Variants in SRL observed in about 807,000 individuals in gnomAD.
SRL encodes the protein sarcalumenin.
Under a neutral mutation model 39.5 loss-of-function variants are expected in SRL, and 23 were observed. The ratio of observed to expected loss-of-function variants is 0.58; its 90% CI spans 0.42 to 0.82. The LOEUF (loss-of-function observed/expected upper bound fraction) is 0.82. Ranked by LOEUF, SRL falls within the 40% of genes least tolerant of loss-of-function variation. The pLI is 0.00. For synonymous variants in SRL, 272 were observed against 237.4 expected (o/e 1.15, Z -1.34); for missense variants, 592 against 607.8 (o/e 0.97, Z 0.27).
rs1318953374 is a variant in SRL at position 4,189,988 on chromosome 16, G to C, written c.*2165C>G. ...GGGGTTTGCGGAGGGTGGTTAATGA[G>C]AAGAAAAGTCCAGGACAGATTCCAT... On this transcript the variant is annotated 3_prime_UTR_variant, in exon 6 of 6. Transcript: ENST00000399609. The C allele has an allele frequency of 6.3e-6, 2 of 316,446 alleles. No homozygotes were observed. Among genetic ancestry groups the C allele is most frequent in the East Asian group, 9.8e-5 (2 of 20,362 alleles). The allele number at this position is 316,446 out of a possible 1,614,324, so 19.6% of individuals were successfully genotyped here. A position where few individuals can be genotyped will look rare whatever the true frequency, so the allele number is the denominator to read the frequency against.
At chr16:4,207,460 G>A (rs1266163768) in intron 1 of SRL, 1 of 456,706 alleles carries the variant, frequency 2.2e-6, no homozygotes. Flanking sequence ...GGCACTGCAG[G>A]CTCCTCGCCA....
Position 4,192,951 on chromosome 16 carries a change from G to A in SRL, c.624C>T (p.Asn208=), listed in dbSNP as rs1475034159. 5.6e-6 allele frequency: 9 copies of A among 1,610,120 alleles called. No homozygotes were observed. The highest frequency in any genetic ancestry group is 1.3e-5 in the African/African-American group (1 of 75,012). The part of the protein sequence containing the change: ...RKQQERGYPF[N]DVCQWFIDRA... ...TGTCGATGAACCACTGGCACACGTC[G>A]TTGAAGGGGTAGCCTTTGGGAGACA... Residue 208 remains asparagine (N), a synonymous_variant, in exon 6 of 6, where the codon AAC becomes AAT. Coordinates refer to ENST00000399609, the MANE Select transcript of SRL (RefSeq NM_001098814.2). The surrounding 1 kb of genome is among the most constrained non-coding windows in gnomAD (Gnocchi z 4.0).
chr16:4,231,224 G>T (rs747853172), intron 1 of SRL, among the ~76,000 whole-genome samples: 1 of 152,158 alleles, frequency 6.6e-6, no homozygotes, highest in Non-Finnish European at 1.5e-5. Context: ...GCTGTGGTGG[G>T]AGGATCACTT....
At chr16:4,222,804 C>T (rs942404769) in intron 1 of SRL, among the ~76,000 whole-genome samples, 6 of 152,278 alleles carry the variant, frequency 3.9e-5, no homozygotes, top group Middle Eastern at 6.8e-3. Flanking sequence ...ATTAAAAGTA[C>T]AATTCCTGGC....
chr16:4,228,658 C>G lies in SRL; in HGVS notation c.61+13349G>C, dbSNP rs571777826. 3.9e-5 allele frequency among the ~76,000 whole-genome samples: 6 copies of G among 152,026 alleles called. No homozygotes were observed. In the South Asian group the frequency reaches 1.2e-3, roughly 32 times the overall value. ...GTTGAGGCAGGAGAATGGAGTGAAC[C>G]CAGGAGGCGGAGCTTGCAGTGAGCC... On this transcript the variant is annotated intron_variant, in intron 1 of 5. Coordinates refer to ENST00000399609, the MANE Select transcript of SRL (RefSeq NM_001098814.2).
intron 1 of SRL, chr16:4,208,117 A>G (rs2052347959): frequency 2.3e-6 from 1 of 434,724 alleles, no homozygotes; most frequent in Non-Finnish European, 4.6e-6. Flanking sequence ...AAATGATTAG[A>G]ACATGATTGG....
At chr16:4,206,395 G>A (rs1167018125) in intron 1 of SRL, among the ~76,000 whole-genome samples, 1 of 151,940 alleles carries the variant, frequency 6.6e-6, no homozygotes, top group East Asian at 1.9e-4. Flanking sequence ...CCCTCCACCC[G>A]CTGGCCCCGG....
intron 1 of SRL, among the ~76,000 whole-genome samples, chr16:4,233,911 G>A (rs908988988): frequency 1.3e-5 from 2 of 151,958 alleles, no homozygotes; most frequent in South Asian, 2.1e-4. Context: ...TCCCTTTAGG[G>A]AGCATCTCTC....
At chr16:4,219,624 A>G (rs2052498599) in intron 1 of SRL, among the ~76,000 whole-genome samples, 1 of 151,870 alleles carries the variant, frequency 6.6e-6, no homozygotes, top group African/African-American at 2.4e-5. Flanking sequence ...TGCCTAGGTA[A>G]TATTTTTTAT....
At chr16:4,232,713 T>C (rs796427563) in intron 1 of SRL, among the ~76,000 whole-genome samples, 2 of 152,196 alleles carry the variant, frequency 1.3e-5, no homozygotes, top group East Asian at 1.9e-4. Context: ...GGTTTCTCCA[T>C]GTTGCCCAAG....
intron 3 of SRL, 106 bp downstream of exon 3, chr16:4,203,060 C>A (rs1386665880): frequency 2.1e-6 from 2 of 975,060 alleles, no homozygotes; most frequent in South Asian, 2.8e-5. Flanking sequence ...AGCTCCTGAA[C>A]CTGTGTGGGT....
chr16:4,211,017 G>A lies in SRL; in HGVS notation c.62-6383C>T, dbSNP rs540530279. 9.2e-5 allele frequency among the ~76,000 whole-genome samples: 14 copies of A among 152,224 alleles called. No individual in the cohort carries two copies. The South Asian group carries it at 2.3e-3, about 25-fold the overall frequency. ...TGCACATTACAGTCTGAGAAGCGCTGGGCTACACTGCCTCACAAACTGCCC... is the reference window on the plus strand; with the variant it reads ...TGCACATTACAGTCTGAGAAGCGCTAGGCTACACTGCCTCACAAACTGCCC... On this transcript the variant is annotated intron_variant, in intron 1 of 5. Transcript: ENST00000399609.
At chr16:4,228,590 T>C (rs374712851) in intron 1 of SRL, among the ~76,000 whole-genome samples, 63 of 150,152 alleles carry the variant, frequency 4.2e-4, no homozygotes, top group East Asian at 3.6e-3. Flanking sequence ...AAAAAATTAG[T>C]CAGGCGTGGT....
intron 1 of SRL, among the ~76,000 whole-genome samples, chr16:4,209,866 A>G (rs1008629294): frequency 5.3e-5 from 8 of 152,190 alleles, no homozygotes; most frequent in African/African-American, 1.7e-4. Context: ...ACCACTAGGT[A>G]GTTAATGGGT....
chr16:4,207,587 G>A (rs1477018211), intron 1 of SRL: 2 of 449,492 alleles, frequency 4.4e-6, no homozygotes, highest in Non-Finnish European at 9.0e-6. Flanking sequence ...CCTGCACCAG[G>A]CTGTCCCCTT....
intron 1 of SRL, among the ~76,000 whole-genome samples, chr16:4,222,425 C>T (rs1019607821): frequency 3.9e-5 from 6 of 152,186 alleles, no homozygotes; most frequent in African/African-American, 1.2e-4. Context: ...CAGGTGTGCA[C>T]CACCATGCTC....
intron 3 of SRL, among the ~76,000 whole-genome samples, chr16:4,199,590 C>G (rs2052195021): frequency 6.6e-6 from 1 of 151,574 alleles, no homozygotes; most frequent in Admixed American, 6.6e-5. Context: ...AGGCTGGTCT[C>G]CAACTCCTGG....
intron 1 of SRL, chr16:4,207,795 T>G (rs2052342732): frequency 2.2e-6 from 1 of 455,652 alleles, no homozygotes; most frequent in Non-Finnish European, 4.4e-6. Flanking sequence ...TGGTGGGCCA[T>G]TCTTTTCCTC....
chr16:4,189,451 A>G lies in SRL; in HGVS notation c.*2702T>C, dbSNP rs1179411722. 1.3e-5 allele frequency: 2 copies of G among 152,228 alleles called. No homozygotes were observed. Among genetic ancestry groups the G allele is most frequent in the African/African-American group, 2.4e-5 (1 of 41,444 alleles). The allele number at this position is 152,228 out of a possible 1,614,324, so 9.4% of individuals were successfully genotyped here. Reference sequence around the variant, plus strand: ...CACTGGAAAGGTTCTGCCACTGTCCAGGCACAGATCCTTCCAGACACTCCT... The same window carrying G: ...CACTGGAAAGGTTCTGCCACTGTCCGGGCACAGATCCTTCCAGACACTCCT... On this transcript the variant is annotated 3_prime_UTR_variant, in exon 6 of 6. Transcript: ENST00000399609.
Sources: allele counts gnomAD v4.1 joint callset (sites outside exome capture counted in the v4.1 genomes callset), GRCh38; gene constraint gnomAD v4.1.1; non-coding constraint Gnocchi (gnomAD v3.1); transcripts MANE v1.5; gene names NCBI Gene and HGNC (gene_info 2026-07-23, HGNC 2026-07-21).